The following SLC25A21 variants were observed in gnomAD, a reference collection of about 807,000 sequenced individuals.
SLC25A21 encodes the protein solute carrier family 25 member 21, also known as mitochondrial 2-oxodicarboxylate carrier.
Under a neutral mutation model 43.8 loss-of-function variants are expected in SLC25A21, and 47 were observed. The ratio of observed to expected loss-of-function variants is 1.07; its 90% CI spans 0.85 to 1.37. The LOEUF is 1.37. SLC25A21 is among the 40% of genes most tolerant of loss of function. The pLI, the probability that SLC25A21 is intolerant of heterozygous loss-of-function variation, is 0.00. For missense variants in SLC25A21, 352 were observed against 350.2 expected (o/e 1.00, Z -0.04); for synonymous variants, 131 against 121.3 (o/e 1.08, Z -0.52).
chr14:36,810,339 C>G (rs917489266), intron 3 of SLC25A21, among the ~76,000 whole-genome samples: 1 of 152,148 alleles, frequency 6.6e-6, no homozygotes, highest in Non-Finnish European at 1.5e-5. Flanking sequence ...AATTGAAGAT[C>G]TTGGCTAAGG....
intron 1 of SLC25A21, among the ~76,000 whole-genome samples, chr14:36,982,722 G>A (rs1191523725): frequency 6.6e-6 from 1 of 152,118 alleles, no homozygotes; most frequent in Non-Finnish European, 1.5e-5. Flanking sequence ...GGTGAGATGG[G>A]AGGATCGCTT....
chr14:37,011,409 T>C (rs1960729320), intron 1 of SLC25A21, among the ~76,000 whole-genome samples: 1 of 151,952 alleles, frequency 6.6e-6, no homozygotes, highest in Non-Finnish European at 1.5e-5. Flanking sequence ...ATAATAAAAG[T>C]AATAAAGATT....
chr14:37,163,239 TATGTA>T lies in SLC25A21; in HGVS notation c.70+9037_70+9041del, dbSNP rs1029860777. On this transcript the variant is annotated intron_variant, in intron 1 of 9. Coordinates refer to ENST00000331299, the MANE Select transcript of SLC25A21 (RefSeq NM_030631.4). ...CGCACCAGCATGGCACATGTATACA[TATGTA>T]ACTAACCTGCACATTGTGCACATGT... is the stretch of plus-strand genomic sequence containing the variant. Among the ~76,000 whole-genome samples the T allele has an allele frequency of 1.8e-4, 28 of 151,992 alleles. No individual in the cohort carries two copies. In the South Asian group the frequency reaches 5.6e-3, roughly 30 times the overall value.
At chr14:37,077,214 G>C (rs981404010) in intron 1 of SLC25A21, among the ~76,000 whole-genome samples, 1 of 152,170 alleles carries the variant, frequency 6.6e-6, no homozygotes, top group Admixed American at 6.5e-5. Flanking sequence ...GTTTTTTACA[G>C]AAGATGCTAT....
chr14:37,165,949 T>C (rs189779713), intron 1 of SLC25A21, among the ~76,000 whole-genome samples: 42 of 152,310 alleles, frequency 2.8e-4, no homozygotes, highest in East Asian at 1.2e-3. Context: ...TAGAGCCCTG[T>C]TGATATGCAG....
chr14:36,832,494 C>A (rs895878881), intron 2 of SLC25A21, among the ~76,000 whole-genome samples: 1 of 152,066 alleles, frequency 6.6e-6, no homozygotes, highest in African/African-American at 2.4e-5. Flanking sequence ...CTTTTTTGCA[C>A]TTTTATAGTT....
At chr14:36,878,814 T>C (rs1295313606) in intron 1 of SLC25A21, among the ~76,000 whole-genome samples, 2 of 152,134 alleles carry the variant, frequency 1.3e-5, no homozygotes, top group South Asian at 2.1e-4. Context: ...AAATAAGACC[T>C]AGAAGTATTG....
chr14:37,059,854 C>G (rs1961907140), intron 1 of SLC25A21, among the ~76,000 whole-genome samples: 1 of 152,124 alleles, frequency 6.6e-6, no homozygotes, highest in African/African-American at 2.4e-5. Flanking sequence ...AATTCCAGAT[C>G]CAAACCTGGA....
At chr14:36,740,812 T>C (rs1450274740) in intron 3 of SLC25A21, among the ~76,000 whole-genome samples, 1 of 152,192 alleles carries the variant, frequency 6.6e-6, no homozygotes, top group African/African-American at 2.4e-5. Context: ...TGCCTTCTTA[T>C]TGTCTCTCAT....
intron 1 of SLC25A21, among the ~76,000 whole-genome samples, chr14:36,995,307 T>C (rs1019851643): frequency 6.6e-6 from 1 of 152,220 alleles, no homozygotes; most frequent in Non-Finnish European, 1.5e-5. Flanking sequence ...ATTTTTCCAT[T>C]TTGTGCAATT....
intron 1 of SLC25A21, among the ~76,000 whole-genome samples, chr14:36,895,327 T>C (rs1335853297): frequency 2.6e-5 from 4 of 152,232 alleles, no homozygotes; most frequent in African/African-American, 9.6e-5. Context: ...TTTATTTGTG[T>C]AGAGGTGTTT....
chr14:36,703,209 C>G (rs144310583), intron 7 of SLC25A21, among the ~76,000 whole-genome samples: 39 of 152,276 alleles, frequency 2.6e-4, no homozygotes, highest in African/African-American at 9.4e-4. Context: ...TGAGATTCTT[C>G]TTTTCAAAAT....
chr14:36,928,501 G>C (rs861923), intron 1 of SLC25A21, among the ~76,000 whole-genome samples: 4,974 of 152,030 alleles, frequency 0.033, 283 homozygotes, highest in African/African-American at 0.11. Flanking sequence ...CTAACTAATG[G>C]GAGGTTAAAG....
chr14:36,832,162 G>A (rs1889061662), intron 2 of SLC25A21, among the ~76,000 whole-genome samples: 1 of 152,158 alleles, frequency 6.6e-6, no homozygotes, highest in Non-Finnish European at 1.5e-5. Flanking sequence ...GGAGCTGTTT[G>A]TGGAAAGAGA....
intron 1 of SLC25A21, among the ~76,000 whole-genome samples, chr14:36,876,766 T>C (rs989201066): frequency 6.6e-6 from 1 of 151,806 alleles, no homozygotes; most frequent in African/African-American, 2.4e-5. Flanking sequence ...TAGAATAACT[T>C]TGAGGTTTAA....
At chr14:36,849,657 T>C (rs1311428074) in intron 2 of SLC25A21, among the ~76,000 whole-genome samples, 3 of 152,212 alleles carry the variant, frequency 2.0e-5, no homozygotes, top group Non-Finnish European at 4.4e-5. Context: ...TGAAATTAGA[T>C]AGAAATGCCA....
chr14:37,156,331 T>C (rs1963849448), intron 1 of SLC25A21, among the ~76,000 whole-genome samples: 1 of 151,636 alleles, frequency 6.6e-6, no homozygotes, highest in Non-Finnish European at 1.5e-5. Flanking sequence ...ATTAATTAAT[T>C]AAAATAATAA....
At chr14:36,729,420 G>C in intron 5 of SLC25A21, 87 bp downstream of exon 5, 1 of 997,268 alleles carries the variant, frequency 1.0e-6, no homozygotes, top group Non-Finnish European at 1.4e-6. Context: ...TTAGTAGCTG[G>C]GCTTGGAAAT....
At chr14:36,950,922 A>G (rs1205086393) in intron 1 of SLC25A21, among the ~76,000 whole-genome samples, 1 of 152,208 alleles carries the variant, frequency 6.6e-6, no homozygotes. Context: ...CTGGAATTGC[A>G]GCAAGGAATG....
Sources: allele counts gnomAD v4.1 joint callset (sites outside exome capture counted in the v4.1 genomes callset), GRCh38; gene constraint gnomAD v4.1.1; transcripts MANE v1.5; gene names NCBI Gene and HGNC (gene_info 2026-07-23, HGNC 2026-07-21).